SNX24: variants seen among roughly 807,000 people sequenced by gnomAD.
SNX24 encodes the protein sorting nexin-24.
A neutral mutation model predicts 28.7 loss-of-function variants in SNX24; 22 were observed. The observed-to-expected ratio is 0.77, with a 90% CI of 0.55 to 1.10. SNX24 has a LOEUF of 1.10. Ranked by LOEUF, SNX24 falls within the 50% of genes least tolerant of loss-of-function variation. The pLI is 0.00. For synonymous variants in SNX24, 69 were observed against 71.5 expected, an observed-to-expected ratio of 0.96 and a Z score of 0.18; for missense variants, 221 against 201.1, an observed-to-expected ratio of 1.10 and a Z score of -0.60.
intron 3 of SNX24, among the ~76,000 whole-genome samples, chr5:122,974,581 A>G (rs1187671040): frequency 1.3e-5 from 2 of 152,246 alleles, no homozygotes; most frequent in African/African-American, 4.8e-5. Flanking sequence ...TGCTCAGGCA[A>G]TGAAACCACA....
intron 1 of SNX24, among the ~76,000 whole-genome samples, chr5:122,928,116 C>T (rs1469316913): frequency 6.6e-6 from 1 of 152,160 alleles, no homozygotes; most frequent in African/African-American, 2.4e-5. Flanking sequence ...CACCTCTTCC[C>T]ACTGCCACTC....
chr5:122,950,790 T>G (rs1331180903), intron 3 of SNX24, among the ~76,000 whole-genome samples: 2 of 152,130 alleles, frequency 1.3e-5, no homozygotes, highest in Non-Finnish European at 2.9e-5. Context: ...CAGGGTATTC[T>G]TGGTAAAAGA....
At chr5:123,002,135 T>A in intron 6 of SNX24, 131 bp downstream of exon 6, 1 of 750,398 alleles carries the variant, frequency 1.3e-6, no homozygotes, top group Non-Finnish European at 2.4e-6. Context: ...AAACCAGTGC[T>A]CTTGGTATAA....
At chr5:122,885,725 T>C (rs154497) in intron 1 of SNX24, among the ~76,000 whole-genome samples, 118,127 of 152,018 alleles carry the variant, frequency 0.78, 46,934 homozygotes, top group East Asian at 0.99. Flanking sequence ...GGAATAAGGA[T>C]GGAGGTTTGG....
At chr5:122,958,400 C>T (rs528928627) in intron 3 of SNX24, among the ~76,000 whole-genome samples, 1 of 152,142 alleles carries the variant, frequency 6.6e-6, no homozygotes, top group East Asian at 1.9e-4. Flanking sequence ...ATTACAGGCA[C>T]CTGCCATCAC....
intron 3 of SNX24, among the ~76,000 whole-genome samples, chr5:122,995,423 A>T (rs565448576): frequency 8.5e-5 from 13 of 152,244 alleles, no homozygotes; most frequent in Non-Finnish European, 1.8e-4. Flanking sequence ...AGTTATTTTC[A>T]TTGCTTGCCT....
chr5:122,992,050 A>C (rs1279157352), intron 3 of SNX24, among the ~76,000 whole-genome samples: 2 of 152,246 alleles, frequency 1.3e-5, no homozygotes, highest in Admixed American at 6.5e-5. Context: ...GCTATTATGC[A>C]TGCAGTAAAT....
intron 3 of SNX24, among the ~76,000 whole-genome samples, chr5:122,989,138 C>A (rs1353957029): frequency 1.3e-5 from 2 of 152,090 alleles, no homozygotes; most frequent in Non-Finnish European, 2.9e-5. Context: ...AGCATGAGGG[C>A]TCTATCAGTA....
intron 3 of SNX24, among the ~76,000 whole-genome samples, chr5:122,993,065 G>T (rs1447128297): frequency 6.6e-6 from 1 of 150,596 alleles, no homozygotes; most frequent in Non-Finnish European, 1.5e-5. Flanking sequence ...AGCGTTTAGT[G>T]CAGGTCCTCA....
At chr5:122,912,875 T>C (rs1270899519) in intron 1 of SNX24, among the ~76,000 whole-genome samples, 1 of 152,042 alleles carries the variant, frequency 6.6e-6, no homozygotes, top group African/African-American at 2.4e-5. Flanking sequence ...CAGAGGACCC[T>C]GTGGCCCTGG....
intron 1 of SNX24, among the ~76,000 whole-genome samples, chr5:122,934,516 T>C (rs246307): frequency 0.77 from 117,057 of 151,980 alleles, 45,953 homozygotes; most frequent in East Asian, 0.99. Flanking sequence ...CACACCACTA[T>C]GCCCAGCTAA....
chr5:122,919,718 G>A (rs1476010292), intron 1 of SNX24, among the ~76,000 whole-genome samples: 1 of 152,200 alleles, frequency 6.6e-6, no homozygotes, highest in South Asian at 2.1e-4. Flanking sequence ...TTATTCACCT[G>A]TCAGAGAGAC....
chr5:122,899,933 T>C (rs554533752), intron 1 of SNX24, among the ~76,000 whole-genome samples: 1 of 152,338 alleles, frequency 6.6e-6, no homozygotes, highest in East Asian at 1.9e-4. Context: ...ATTTTAAAAA[T>C]CTTGATCTCT....
At chr5:122,957,554 A>G (rs775538518) in intron 3 of SNX24, among the ~76,000 whole-genome samples, 1 of 152,218 alleles carries the variant, frequency 6.6e-6, no homozygotes, top group Non-Finnish European at 1.5e-5. Flanking sequence ...TTCTGCAAAA[A>G]TAAAAAAACT....
rs891180564 is a variant in SNX24, at chr5:122,979,548, C to A, written c.250-20364C>A. On this transcript the variant is annotated intron_variant, in intron 3 of 6. Transcript: ENST00000261369. ...CTACTTAAATGAAAACTTGAATTAA[C>A]ATAATTAGATGTGATAGGGCCACTT... is the stretch of plus-strand genomic sequence containing the variant. Among the ~76,000 whole-genome samples, 6 of 152,136 alleles carry A rather than the reference C, an allele frequency of 3.9e-5. 1 individual carries two copies. The highest frequency in any genetic ancestry group is 2.9e-5 in the Non-Finnish European group (2 of 68,032).
intron 4 of SNX24, 139 bp downstream of exon 4, chr5:123,000,145 G>T: frequency 1.6e-6 from 1 of 642,738 alleles, no homozygotes. Context: ...GCACTCGCTC[G>T]CCCCCTGCTT....
intron 1 of SNX24, among the ~76,000 whole-genome samples, chr5:122,851,970 T>G (rs1754939908): frequency 6.6e-6 from 1 of 151,890 alleles, no homozygotes; most frequent in African/African-American, 2.4e-5. Flanking sequence ...GCATCCAGTT[T>G]CTGGTTGTTT....
intron 1 of SNX24, among the ~76,000 whole-genome samples, chr5:122,858,827 G>A (rs1755324763): frequency 6.6e-6 from 1 of 152,134 alleles, no homozygotes; most frequent in Admixed American, 6.5e-5. Context: ...CTTTCTGTGA[G>A]TAAGTTTATA....
At chr5:123,027,493 G>A (rs918639996) in intron 5 of SNX24, among the ~76,000 whole-genome samples, 2 of 152,232 alleles carry the variant, frequency 1.3e-5, no homozygotes, top group East Asian at 1.9e-4. Flanking sequence ...CCGAGGGCAC[G>A]GGCACCAGCG....
Sources: gnomAD v4.1 joint callset for allele counts (sites outside exome capture counted in the v4.1 genomes callset) on GRCh38, gnomAD v4.1.1 for gene constraint, MANE v1.5 for transcripts, NCBI Gene and HGNC (gene_info 2026-07-23, HGNC 2026-07-21) for gene names.